The following MMS22L variants were observed in gnomAD, a reference collection of about 807,000 sequenced individuals.
The protein encoded by MMS22L is MMS22 like, DNA repair protein.
Under a neutral mutation model 159.1 loss-of-function variants are expected in MMS22L, and 74 were observed. The ratio of observed to expected loss-of-function variants is 0.47; its 90% CI spans 0.39 to 0.56. The LOEUF (loss-of-function observed/expected upper bound fraction) is 0.56. Ranked by LOEUF, MMS22L falls within the 20% of genes least tolerant of loss-of-function variation. The probability of loss-of-function intolerance (pLI) is 0.00; values close to 1 mark genes in which losing one functional copy is unlikely to be tolerated. For missense variants in MMS22L, 1,351 were observed against 1,422.1 expected, an observed-to-expected ratio of 0.95 and a Z score of 0.80; for synonymous variants, 517 against 506.9, an observed-to-expected ratio of 1.02 and a Z score of -0.27.
chr6:97,192,882 C>A (rs1260825742), intron 14 of MMS22L, among the ~76,000 whole-genome samples: 1 of 152,088 alleles, frequency 6.6e-6, no homozygotes, highest in African/African-American at 2.4e-5. Flanking sequence ...AATCTCAGTA[C>A]AGAAAGGATA....
At chr6:97,252,593 C>T (rs937765266) in intron 10 of MMS22L, among the ~76,000 whole-genome samples, 11 of 149,690 alleles carry the variant, frequency 7.3e-5, no homozygotes, top group Non-Finnish European at 1.3e-4. Flanking sequence ...TGCAGTAAGC[C>T]GAGATCACGC....
chr6:97,172,960 T>C (rs1430772426), intron 19 of MMS22L, 103 bp downstream of exon 19: 1 of 1,072,430 alleles, frequency 9.3e-7, no homozygotes, highest in Non-Finnish European at 1.3e-6. Context: ...CTCTTATGAT[T>C]GTATGGAGGG....
Position 97,246,674 on chromosome 6 carries a change from T to C in MMS22L, c.1136A>G (p.Asn379Ser). 1 of 1,609,890 alleles carries C rather than the reference T, an allele frequency of 6.2e-7. No individual in the cohort carries two copies. Among genetic ancestry groups the C allele is most frequent in the Non-Finnish European group, 8.5e-7 (1 of 1,178,500 alleles). The change falls in exon 11 of 25, where the codon AAT becomes AGT. Residue 379 changes from asparagine to serine, a missense_variant. Coordinates refer to ENST00000683635, the MANE Select transcript of MMS22L (RefSeq NM_001350599.2). ...VPDEMRKVES[N>S]WNFVEELLKK... ...CAGCAGTTCTTCTACAAAGTTCCAA[T>C]TTGATTCCACTTTTCTCTAGAAAGG...
At chr6:97,255,000 G>A (rs6568832) in intron 9 of MMS22L, among the ~76,000 whole-genome samples, 99,948 of 151,764 alleles carry the variant, frequency 0.66, 34,132 homozygotes, top group Non-Finnish European at 0.76. Flanking sequence ...TTTTTGTTTC[G>A]CCACACAGGT....
At chr6:97,166,975 A>G (rs531535159) in intron 20 of MMS22L, among the ~76,000 whole-genome samples, 72 of 152,196 alleles carry the variant, frequency 4.7e-4, no homozygotes, top group Non-Finnish European at 9.0e-4. Flanking sequence ...GAATCTTAAA[A>G]CTCTGTTAAG....
chr6:97,228,785 T>G, intron 14 of MMS22L, 109 bp downstream of exon 14: 1 of 1,049,072 alleles, frequency 9.5e-7, no homozygotes, highest in Non-Finnish European at 1.4e-6. Context: ...CCTCTACATT[T>G]GGATTTCATG....
At chr6:97,230,558 T>C (rs1186099785) in intron 13 of MMS22L, 1 of 152,156 alleles carries the variant, frequency 6.6e-6, no homozygotes, top group African/African-American at 2.4e-5. Context: ...ATCCCCACTA[T>C]AGTGCTTGAC....
At chr6:97,186,771 C>A in intron 14 of MMS22L, 81 bp from the exon 15 acceptor site, 1 of 986,110 alleles carries the variant, frequency 1.0e-6, no homozygotes, top group East Asian at 3.0e-5. Context: ...GAGCTTTTTC[C>A]ATTTATATCA....
Position 97,269,993 on chromosome 6 carries a change from C to A in MMS22L, c.607-1G>T. 1.2e-6 allele frequency: 2 copies of A among 1,608,416 alleles called. No homozygotes were observed. The highest frequency in any genetic ancestry group is 1.7e-6 in the Non-Finnish European group (2 of 1,176,146). ...ATAAATGCCATGACGGTGGAAAAAGCTGTGGATGACATTATCAACTGTGAT... is the reference window on the plus strand; with the variant it reads ...ATAAATGCCATGACGGTGGAAAAAGATGTGGATGACATTATCAACTGTGAT... On this transcript the variant is annotated splice_acceptor_variant, in intron 6 of 24. Coordinates refer to ENST00000683635, the MANE Select transcript of MMS22L (RefSeq NM_001350599.2). LOFTEE classifies it high-confidence loss of function.
chr6:97,216,410 TA>T, intron 14 of MMS22L, among the ~76,000 whole-genome samples: 1 of 152,276 alleles, frequency 6.6e-6, no homozygotes, highest in East Asian at 1.9e-4. Context: ...CTAGTGCATT[TA>T]TTGAATGTAA....
intron 20 of MMS22L, among the ~76,000 whole-genome samples, chr6:97,167,082 T>C (rs189395072): frequency 1.3e-5 from 2 of 152,140 alleles, no homozygotes; most frequent in South Asian, 2.1e-4. Flanking sequence ...GAAGCACTTA[T>C]CTTTAACATC....
chr6:97,267,438 T>C (rs1815242604), intron 8 of MMS22L: 1 of 152,084 alleles, frequency 6.6e-6, no homozygotes, highest in African/African-American at 2.4e-5. Flanking sequence ...CGAGACCTTT[T>C]ATGAAAACAA....
chr6:97,220,695 AAAAG>A (rs1239201911), intron 14 of MMS22L, among the ~76,000 whole-genome samples: 1 of 152,122 alleles, frequency 6.6e-6, no homozygotes, highest in African/African-American at 2.4e-5. Context: ...GCTGATTATA[AAAAG>A]AAAGGGTATA....
chr6:97,168,337 C>A, intron 19 of MMS22L, 97 bp from the exon 20 acceptor site: 1 of 1,019,008 alleles, frequency 9.8e-7, no homozygotes, highest in Non-Finnish European at 1.5e-6. Flanking sequence ...CACATGGGAC[C>A]AAATTAAAGT....
chr6:97,188,167 A>C (rs778898783), intron 14 of MMS22L, among the ~76,000 whole-genome samples: 1 of 152,200 alleles, frequency 6.6e-6, no homozygotes, highest in South Asian at 2.1e-4. Context: ...TCAACTGCCT[A>C]TATCAACATA....
At chr6:97,258,758 T>C (rs1001189390) in intron 9 of MMS22L, 13 of 152,222 alleles carry the variant, frequency 8.5e-5, no homozygotes, top group Admixed American at 7.9e-4. Context: ...AAAAAACAAA[T>C]CTCCTAAGTA....
At chr6:97,278,295 C>T (rs1816436461) in intron 4 of MMS22L, among the ~76,000 whole-genome samples, 1 of 151,442 alleles carries the variant, frequency 6.6e-6, no homozygotes, top group Non-Finnish European at 1.5e-5. Context: ...CCCAGCTACT[C>T]GGGAGGCTGA....
At chr6:97,178,613 A>G in intron 17 of MMS22L, 28 bp from the exon 18 acceptor site, 1 of 1,233,642 alleles carries the variant, frequency 8.1e-7, no homozygotes, top group Non-Finnish European at 1.1e-6. Flanking sequence ...TATTTGTTAT[A>G]TCAATTTATA....
chr6:97,173,245 T>C lies in MMS22L; in HGVS notation c.2680-23A>G, dbSNP rs758124011. On this transcript the variant is annotated intron_variant, in intron 18 of 24. Transcript: ENST00000683635. Reference sequence around the variant, plus strand: ...AGCCTATAAATAAAGAAAAACATTATTTAACTTCCCAAAGTTTATACCATA... The same window carrying C: ...AGCCTATAAATAAAGAAAAACATTACTTAACTTCCCAAAGTTTATACCATA... 1.6e-5 allele frequency: 26 copies of C among 1,599,048 alleles called. No individual in the cohort carries two copies. In the Admixed American group the frequency reaches 4.5e-4, roughly 28 times the overall value.
Sources: gnomAD v4.1 joint callset for allele counts (sites outside exome capture counted in the v4.1 genomes callset) on GRCh38, gnomAD v4.1.1 for gene constraint, MANE v1.5 for transcripts, NCBI Gene and HGNC (gene_info 2026-07-23, HGNC 2026-07-21) for gene names.